TAF4: variants seen among roughly 807,000 people sequenced by gnomAD.
TAF4 encodes TATA-box binding protein associated factor 4.
TAF4 carries 9 observed loss-of-function variants against 90.3 expected under a neutral mutation model. That is an observed-to-expected ratio of 0.10 (90% confidence interval 0.06 to 0.17). TAF4 has a LOEUF of 0.17. TAF4 is among the 10% of genes least tolerant of loss of function. TAF4 has a pLI of 1.00. For missense variants in TAF4, 1,351 were observed against 1,370.7 expected, an observed-to-expected ratio of 0.99 and a Z score of 0.23; for synonymous variants, 818 against 638.9, an observed-to-expected ratio of 1.28 and a Z score of -4.23.
At chr20:62,013,910 T>G (rs1033779426) in intron 2 of TAF4, among the ~76,000 whole-genome samples, 28 of 83,970 alleles carry the variant, frequency 3.3e-4, no homozygotes, top group Admixed American at 2.0e-3. Context: ...GACGCGGGTG[T>G]GTGTGTGTGT....
chr20:62,042,262 G>A (rs56279188), intron 1 of TAF4, among the ~76,000 whole-genome samples: 4,433 of 152,240 alleles, frequency 0.029, 166 homozygotes, highest in African/African-American at 0.087. Flanking sequence ...GGAGGAGATC[G>A]GCTGCGGGAC....
intron 1 of TAF4, among the ~76,000 whole-genome samples, chr20:62,019,650 T>C (rs1328439308): frequency 1.3e-5 from 2 of 152,086 alleles, no homozygotes; most frequent in Non-Finnish European, 2.9e-5. Context: ...TGACCAGTGG[T>C]GACCAGTGCC....
chr20:62,064,173 C>A, intron 1 of TAF4: 1 of 367,336 alleles, frequency 2.7e-6, no homozygotes, highest in East Asian at 4.1e-5. Context: ...AGAGTCCTGG[C>A]TGAGCCACTC....
chr20:62,035,123 A>G (rs2055925486), intron 1 of TAF4, among the ~76,000 whole-genome samples: 1 of 152,094 alleles, frequency 6.6e-6, no homozygotes, highest in Non-Finnish European at 1.5e-5. Context: ...CCCGGCCCAT[A>G]GATTTCAGTT....
chr20:62,057,298 G>A (rs974955484), intron 1 of TAF4, among the ~76,000 whole-genome samples: 2 of 152,182 alleles, frequency 1.3e-5, no homozygotes, highest in East Asian at 3.8e-4. Flanking sequence ...CTGGCTCCTA[G>A]TGTCCTGCCT....
chr20:61,985,518 G>A (rs1317926203), intron 14 of TAF4, among the ~76,000 whole-genome samples: 2 of 151,998 alleles, frequency 1.3e-5, no homozygotes, highest in South Asian at 2.1e-4. Context: ...GACCTGTGAG[G>A]TTAAATAAAA....
intron 14 of TAF4, 88 bp downstream of exon 14, chr20:61,997,462 C>T (rs776132475): frequency 1.5e-6 from 2 of 1,336,314 alleles, no homozygotes; most frequent in Non-Finnish European, 1.9e-6. Flanking sequence ...AGCAAATTCC[C>T]CTATGTGTGT....
At chr20:61,998,871 G>A (rs1021562257) in intron 12 of TAF4, 112 bp downstream of exon 12, 3 of 1,431,656 alleles carry the variant, frequency 2.1e-6, no homozygotes, top group Non-Finnish European at 9.4e-7. Context: ...TTGCTTCAAG[G>A]CCAGCCCAAA....
chr20:62,003,663 G>T, intron 8 of TAF4, 68 bp downstream of exon 8: 1 of 1,478,732 alleles, frequency 6.8e-7, no homozygotes, highest in Non-Finnish European at 8.9e-7. Flanking sequence ...TTAAATAAAA[G>T]CCCAATGGCA....
intron 1 of TAF4, among the ~76,000 whole-genome samples, chr20:62,023,975 G>A (rs1053240522): frequency 3.3e-5 from 5 of 151,982 alleles, no homozygotes; most frequent in Admixed American, 2.6e-4. Flanking sequence ...CTACTCAGGA[G>A]GCTGAGGTGG....
intron 1 of TAF4, among the ~76,000 whole-genome samples, chr20:62,036,949 G>A (rs552807585): frequency 6.6e-6 from 1 of 152,286 alleles, no homozygotes; most frequent in African/African-American, 2.4e-5. Context: ...TCCACACTCT[G>A]AGGACACACA....
chr20:62,013,920 T>G (rs1286300176), intron 2 of TAF4, among the ~76,000 whole-genome samples: 15 of 142,616 alleles, frequency 1.1e-4, no homozygotes, highest in African/African-American at 4.0e-4. Flanking sequence ...TGTGTGTGTG[T>G]GTGTGTGTGT....
At chr20:62,021,562 G>GTGGGC (rs376157906) in intron 1 of TAF4, among the ~76,000 whole-genome samples, 2 of 152,264 alleles carry the variant, frequency 1.3e-5, no homozygotes, top group African/African-American at 4.8e-5. Context: ...CCAGGGCTGC[G>GTGGGC]TGGGCTGGGC....
Position 62,010,287 on chromosome 20 carries a change from G to T in TAF4, c.1642-122C>A. On this transcript the variant is annotated intron_variant, in intron 3 of 14. Coordinates refer to ENST00000252996, the MANE Select transcript of TAF4 (RefSeq NM_003185.4). This position sits in a 1 kb window ranked among gnomAD's most constrained non-coding sequence, Gnocchi z 4.5. ...CTGCGGTGGCCAGGACGCCCAGGAAGCCAAGGACCCCGGCCACCTGCCAGC... is the reference window on the plus strand; with the variant it reads ...CTGCGGTGGCCAGGACGCCCAGGAATCCAAGGACCCCGGCCACCTGCCAGC... 6.9e-7 allele frequency: 1 copy of T among 1,459,472 alleles called. No homozygotes were observed. Among genetic ancestry groups the T allele is most frequent in the Non-Finnish European group, 9.3e-7 (1 of 1,079,170 alleles). The allele number at this position is 1,459,472 out of a possible 1,614,324, so 90.4% of individuals were successfully genotyped here.
chr20:61,991,857 C>T (rs565570034), intron 14 of TAF4, among the ~76,000 whole-genome samples: 192 of 152,218 alleles, frequency 1.3e-3, no homozygotes, highest in African/African-American at 3.8e-3. Context: ...TGGGATGAGC[C>T]GGCTTCCGAG....
At chr20:61,986,201 T>C (rs1389269448) in intron 14 of TAF4, among the ~76,000 whole-genome samples, 66 of 50,506 alleles carry the variant, frequency 1.3e-3, no homozygotes, top group African/African-American at 3.3e-3. Context: ...CCATCCCCCA[T>C]CAAAGGAAAC....
intron 1 of TAF4, among the ~76,000 whole-genome samples, chr20:62,031,907 C>T (rs999701315): frequency 5.3e-5 from 8 of 152,120 alleles, no homozygotes; most frequent in African/African-American, 9.7e-5. Flanking sequence ...CCAGCAACAC[C>T]GAGACACGGA....
At chr20:62,003,675 C>T (rs1392477677) in intron 8 of TAF4, 56 bp downstream of exon 8, 12 of 1,499,692 alleles carry the variant, frequency 8.0e-6, no homozygotes, top group Non-Finnish European at 1.1e-5. Flanking sequence ...CCAATGGCAG[C>T]TGGCTCTGGG....
intron 9 of TAF4, among the ~76,000 whole-genome samples, chr20:62,002,198 C>T (rs540949272): frequency 2.0e-5 from 3 of 152,306 alleles, no homozygotes; most frequent in East Asian, 1.9e-4. Flanking sequence ...ACTGAAGTAT[C>T]AGCGTCACGC....
Sources: allele counts gnomAD v4.1 joint callset (sites outside exome capture counted in the v4.1 genomes callset), GRCh38; gene constraint gnomAD v4.1.1; non-coding constraint Gnocchi (gnomAD v3.1); transcripts MANE v1.5; gene names NCBI Gene and HGNC (gene_info 2026-07-23, HGNC 2026-07-21).